Variants in DNAH5 observed in about 807,000 individuals in gnomAD.
DNAH5 encodes dynein axonemal heavy chain 5, also known as axonemal beta dynein heavy chain 5.
DNAH5 carries 372 observed loss-of-function variants against 518.2 expected under a neutral mutation model. The ratio of observed to expected loss-of-function variants is 0.72; its 90% CI spans 0.66 to 0.78. The LOEUF is 0.78. DNAH5 is among the 30% of genes least tolerant of loss of function. The pLI is 0.00. For synonymous variants in DNAH5, 2,039 were observed against 2,025.9 expected (o/e 1.01, Z -0.17); for missense variants, 5,523 against 5,687.0 (o/e 0.97, Z 0.93).
intron 78 of DNAH5, among the ~76,000 whole-genome samples, chr5:13,699,224 C>T (rs1381244735): frequency 6.6e-6 from 1 of 152,162 alleles, no homozygotes; most frequent in Non-Finnish European, 1.5e-5. Context: ...CTCCTAGACA[C>T]CTTTATGTTT....
chr5:13,961,001 C>T (rs1781137729), intron 1 of DNAH5, among the ~76,000 whole-genome samples: 1 of 152,196 alleles, frequency 6.6e-6, no homozygotes, highest in Non-Finnish European at 1.5e-5. Context: ...CTGAAATCTC[C>T]ACTCTTTCCC....
At chr5:13,697,370 C>T (rs1221552044) in intron 78 of DNAH5, among the ~76,000 whole-genome samples, 4 of 152,126 alleles carry the variant, frequency 2.6e-5, no homozygotes, top group Non-Finnish European at 4.4e-5. Context: ...CACCATGTGC[C>T]AAGCAGTGTG....
intron 49 of DNAH5, 30 bp downstream of exon 49, chr5:13,793,485 C>T (rs1209423385): frequency 1.3e-6 from 2 of 1,586,846 alleles, no homozygotes; most frequent in Non-Finnish European, 1.7e-6. Context: ...TCTTCCTCAC[C>T]CTCCCACCCC....
intron 66 of DNAH5, among the ~76,000 whole-genome samples, 190 bp from the exon 67 acceptor site, chr5:13,736,122 TCAA>T (rs112851529): frequency 1.1e-4 from 16 of 152,340 alleles, no homozygotes; most frequent in African/African-American, 3.8e-4. Flanking sequence ...TTGTAAGTAA[TCAA>T]CTATTTGTAT....
At position 13,807,593 on chromosome 5, in the gene DNAH5, G is replaced by A. The variant is rs1363309599; in HGVS notation, c.7885C>T (p.Gln2629Ter). The A allele has an allele frequency of 6.2e-7, 1 of 1,613,570 alleles. No homozygotes were observed. The highest frequency in any genetic ancestry group is 2.2e-5 in the East Asian group (1 of 44,838). ...FSSATTPLMF[Q>*]RTIESYVDKR... The stretch of plus-strand genomic sequence containing the variant: ...GAGCCATACCAAAGAGCCAGTACCT[G>A]GAACATCAGTGGGGTGGTTGCAGAA... Residue 2629 changes from glutamine (Q) to a stop codon, truncating the protein, a stop_gained and splice_region_variant, in exon 47 of 79, where the codon CAG becomes TAG. Coordinates refer to ENST00000265104, the MANE Select transcript of DNAH5 (RefSeq NM_001369.3). LOFTEE classifies it high-confidence loss of function.
chr5:13,873,232 T>A (rs1770394857), intron 22 of DNAH5, among the ~76,000 whole-genome samples: 1 of 152,174 alleles, frequency 6.6e-6, no homozygotes, highest in Non-Finnish European at 1.5e-5. Flanking sequence ...GCCTCCACAA[T>A]CTCTTCCTTT....
chr5:13,708,137 C>A lies in DNAH5; in HGVS notation c.13324G>T (p.Ala4442Ser), dbSNP rs777140072. 3 of 1,614,132 alleles carry A rather than the reference C, an allele frequency of 1.9e-6. No homozygotes were observed. The South Asian group carries it at 3.3e-5, about 18-fold the overall frequency. ...LDCMFDARIP[A>S]WWKKASWISS... ...CTTATACGTACTTTTTTCCACCAAG[C>A]AGGGATTCTAGCATCAAACATGCAA... Residue 4442 changes from alanine to serine, a missense_variant, in exon 76 of 79, where the codon GCT becomes TCT. This residue lies in a region of DNAH5 where 387 missense variants were observed against 430.0 expected (regional missense o/e 0.90). Coordinates refer to ENST00000265104, the MANE Select transcript of DNAH5 (RefSeq NM_001369.3).
At chr5:13,755,467 C>A (rs1750872252) in intron 61 of DNAH5, among the ~76,000 whole-genome samples, 1 of 152,098 alleles carries the variant, frequency 6.6e-6, no homozygotes, top group African/African-American at 2.4e-5. Context: ...CAAAATGCAT[C>A]TGAAAGGCAT....
chr5:13,759,492 T>A (rs1343231185), intron 60 of DNAH5, among the ~76,000 whole-genome samples: 2 of 152,230 alleles, frequency 1.3e-5, no homozygotes, highest in Non-Finnish European at 2.9e-5. Flanking sequence ...GACTCATCAC[T>A]GTTGAGGAGT....
chr5:13,707,981 A>G lies in DNAH5; in HGVS notation c.13338+142T>C. The stretch of plus-strand genomic sequence containing the variant: ...AAACTTCCTTCCCTACCTATGGTCT[A>G]AAAATACAGGGCTACAGGGGGCTTC... On this transcript the variant is annotated intron_variant, in intron 76 of 78. Coordinates refer to ENST00000265104, the MANE Select transcript of DNAH5 (RefSeq NM_001369.3). This position sits in a 1 kb window ranked among gnomAD's most constrained non-coding sequence, Gnocchi z 4.0. 9.9e-7 allele frequency: 1 copy of G among 1,010,760 alleles called. No individual in the cohort carries two copies. The highest frequency in any genetic ancestry group is 1.3e-5 in the South Asian group (1 of 75,812). 62.6% of individuals were successfully genotyped at this position (1,010,760 alleles called of 1,614,324 possible). A position where few individuals can be genotyped will look rare whatever the true frequency, so the allele number is the denominator to read the frequency against.
At chr5:13,827,256 A>G (rs1394300952) in intron 38 of DNAH5, among the ~76,000 whole-genome samples, 1 of 152,154 alleles carries the variant, frequency 6.6e-6, no homozygotes, top group African/African-American at 2.4e-5. Flanking sequence ...AGGAGAAATT[A>G]AGCCAGCTGC....
At chr5:13,830,523 G>T in intron 36 of DNAH5, 74 bp downstream of exon 36, 1 of 1,557,414 alleles carries the variant, frequency 6.4e-7, no homozygotes. Flanking sequence ...GTGGCCAATT[G>T]TTGAAAACAA....
intron 1 of DNAH5, among the ~76,000 whole-genome samples, chr5:13,965,120 C>T (rs1032861651): frequency 6.6e-6 from 1 of 152,116 alleles, no homozygotes; most frequent in African/African-American, 2.4e-5. Context: ...CACACGGCAC[C>T]CTAGAGGGTC....
intron 70 of DNAH5, among the ~76,000 whole-genome samples, chr5:13,722,845 T>C (rs1336237228): frequency 6.6e-6 from 1 of 152,244 alleles, no homozygotes; most frequent in African/African-American, 2.4e-5. Flanking sequence ...ATGCCAACTT[T>C]GTAGAATACA....
At chr5:13,869,421 C>G (rs1011891446) in intron 24 of DNAH5, among the ~76,000 whole-genome samples, 1 of 152,010 alleles carries the variant, frequency 6.6e-6, no homozygotes, top group Non-Finnish European at 1.5e-5. Context: ...GTTAACAGCA[C>G]CCCCTGACCC....
intron 1 of DNAH5, among the ~76,000 whole-genome samples, chr5:13,990,176 G>A (rs1783421381): frequency 6.6e-6 from 1 of 151,854 alleles, no homozygotes; most frequent in East Asian, 1.9e-4. Context: ...AGGATGGAAG[G>A]AAAGAAGAGA....
chr5:13,894,597 T>C, intron 16 of DNAH5, 53 bp downstream of exon 16: 1 of 1,566,774 alleles, frequency 6.4e-7, no homozygotes, highest in Non-Finnish European at 8.8e-7. Context: ...TCAACAGATG[T>C]TAGGAACTCA....
At chr5:13,752,524 C>T (rs1016665611) in intron 63 of DNAH5, among the ~76,000 whole-genome samples, 2 of 152,160 alleles carry the variant, frequency 1.3e-5, no homozygotes, top group African/African-American at 4.8e-5. Context: ...AACTTTGTTT[C>T]ATGCATAAAA....
Position 13,770,909 on chromosome 5 carries a change from T to A in DNAH5, c.9445A>T (p.Met3149Leu). 6.2e-7 allele frequency: 1 copy of A among 1,614,136 alleles called. No homozygotes were observed. The highest frequency in any genetic ancestry group is 8.5e-7 in the Non-Finnish European group (1 of 1,179,992). Residue 3149 changes from methionine (M) to leucine (L), a missense_variant, in exon 56 of 79, where the codon ATG (methionine) becomes TTG (leucine). This residue lies in a region of DNAH5 where 5,121 missense variants were observed against 5,223.3 expected (regional missense o/e 0.98). Transcript: ENST00000265104. ...LEIKKEVVQC[M>L]GSFQDGVAEK... ...GCCACCCCATCCTGGAAGGAGCCCATGCATTGGACCACCTCCTTCTTGATT... is the reference window on the plus strand; with the variant it reads ...GCCACCCCATCCTGGAAGGAGCCCAAGCATTGGACCACCTCCTTCTTGATT...
Sources: gnomAD v4.1 joint callset for allele counts (sites outside exome capture counted in the v4.1 genomes callset) on GRCh38, gnomAD v4.1.1 for gene constraint, gnomAD v4.1.1 regional missense constraint, Gnocchi (gnomAD v3.1) non-coding constraint, MANE v1.5 for transcripts, NCBI Gene and HGNC (gene_info 2026-07-23, HGNC 2026-07-21) for gene names.